CDH13: variants seen among roughly 807,000 people sequenced by gnomAD.
CDH13 encodes the protein cadherin 13, also known as cadherin-13.
A neutral mutation model predicts 63.8 loss-of-function variants in CDH13; 24 were observed. The ratio of observed to expected loss-of-function variants is 0.38; its 90% confidence interval spans 0.27 to 0.53. The LOEUF (loss-of-function observed/expected upper bound fraction) is 0.53, where lower values mean the gene tolerates loss of function less well. CDH13 is among the 20% of genes least tolerant of loss of function. CDH13 has a pLI of 0.85. For missense variants in CDH13, 1,049 were observed against 903.1 expected, an observed-to-expected ratio of 1.16 and a Z score of -2.07; for synonymous variants, 503 against 355.3, an observed-to-expected ratio of 1.42 and a Z score of -4.67.
intron 1 of CDH13, among the ~76,000 whole-genome samples, chr16:82,830,787 C>T (rs185712589): frequency 1.3e-3 from 192 of 152,288 alleles, no homozygotes; most frequent in Admixed American, 3.3e-3. Context: ...GTCTTACATG[C>T]ATATTACCAT....
chr16:83,331,730 T>C (rs1280781757), intron 5 of CDH13, among the ~76,000 whole-genome samples: 1 of 152,244 alleles, frequency 6.6e-6, no homozygotes, highest in East Asian at 1.9e-4. Flanking sequence ...ACACTAGTTT[T>C]AGTCAGAATT....
chr16:82,790,804 G>C (rs938559862), intron 1 of CDH13, among the ~76,000 whole-genome samples: 1 of 152,146 alleles, frequency 6.6e-6, no homozygotes, highest in Non-Finnish European at 1.5e-5. Flanking sequence ...ATCAGATCTT[G>C]TGAGAACTCA....
At chr16:83,704,956 C>T (rs764325343) in intron 10 of CDH13, among the ~76,000 whole-genome samples, 11 of 152,178 alleles carry the variant, frequency 7.2e-5, no homozygotes, top group Non-Finnish European at 1.2e-4. Flanking sequence ...CTTTTGTTTC[C>T]AATCATTTAG....
At chr16:82,689,960 C>A (rs187613663) in intron 1 of CDH13, among the ~76,000 whole-genome samples, 2 of 109,208 alleles carry the variant, frequency 1.8e-5, no homozygotes, top group African/African-American at 7.1e-5. Context: ...GCCTGACCAA[C>A]ATGGTGAAAC....
At chr16:83,788,629 C>A (rs958081560) in intron 13 of CDH13, among the ~76,000 whole-genome samples, 22 of 152,266 alleles carry the variant, frequency 1.4e-4, no homozygotes, top group African/African-American at 5.1e-4. Context: ...GCTCTTGGGT[C>A]AAGTTAATCT....
chr16:82,926,442 G>T (rs2042306409), intron 2 of CDH13, among the ~76,000 whole-genome samples: 1 of 152,176 alleles, frequency 6.6e-6, no homozygotes, highest in South Asian at 2.1e-4. Flanking sequence ...TATAAACCTT[G>T]CCCTGAACAA....
intron 3 of CDH13, among the ~76,000 whole-genome samples, chr16:83,054,103 A>G (rs2030674967): frequency 1.3e-5 from 2 of 152,240 alleles, no homozygotes; most frequent in South Asian, 4.1e-4. Flanking sequence ...ACAATAGGCT[A>G]TACCGTATTT....
At chr16:82,953,607 T>G (rs1567689793) in intron 2 of CDH13, 1 of 152,224 alleles carries the variant, frequency 6.6e-6, no homozygotes, top group Non-Finnish European at 1.5e-5. Flanking sequence ...GTGCCTTTGA[T>G]TAATAAAACA....
chr16:82,933,026 T>G (rs889116577), intron 2 of CDH13, among the ~76,000 whole-genome samples: 3 of 152,174 alleles, frequency 2.0e-5, no homozygotes, highest in Non-Finnish European at 4.4e-5. Flanking sequence ...TTTTTTTATA[T>G]TTTTATGACA....
intron 2 of CDH13, among the ~76,000 whole-genome samples, chr16:82,934,389 C>T (rs1167846733): frequency 6.6e-6 from 1 of 152,156 alleles, no homozygotes; most frequent in Non-Finnish European, 1.5e-5. Flanking sequence ...AGGCTGCACA[C>T]AGCTGGGGGG....
intron 5 of CDH13, among the ~76,000 whole-genome samples, chr16:83,241,438 A>G (rs560116936): frequency 4.7e-4 from 71 of 152,314 alleles, no homozygotes; most frequent in Non-Finnish European, 7.4e-4. Context: ...GCTATTTTAT[A>G]TTCTCACCAA....
At chr16:83,017,867 G>C (rs1420626922) in intron 2 of CDH13, among the ~76,000 whole-genome samples, 1 of 152,198 alleles carries the variant, frequency 6.6e-6, no homozygotes. Flanking sequence ...GCTAGCATCT[G>C]CAGCTGGGTC....
intron 7 of CDH13, among the ~76,000 whole-genome samples, chr16:83,577,545 A>G (rs1905172963): frequency 6.6e-6 from 1 of 152,204 alleles, no homozygotes; most frequent in Admixed American, 6.5e-5. Context: ...GTCCTCCCAG[A>G]TGCCCCTATG....
chr16:83,290,158 C>G (rs921713411), intron 5 of CDH13, among the ~76,000 whole-genome samples: 4 of 152,126 alleles, frequency 2.6e-5, no homozygotes, highest in Non-Finnish European at 4.4e-5. Context: ...TGTTCATTCT[C>G]CTCCTTGCTG....
At chr16:83,349,449 T>C (rs1039674061) in intron 6 of CDH13, among the ~76,000 whole-genome samples, 1 of 152,100 alleles carries the variant, frequency 6.6e-6, no homozygotes, top group African/African-American at 2.4e-5. Flanking sequence ...CCATGAGGAA[T>C]GGCATGTCAG....
intron 1 of CDH13, among the ~76,000 whole-genome samples, chr16:82,833,092 T>A (rs970489600): frequency 1.3e-5 from 2 of 152,222 alleles, no homozygotes; most frequent in Admixed American, 6.5e-5. Flanking sequence ...CATTCCCAGA[T>A]GGCAGACAGA....
intron 4 of CDH13, chr16:83,171,622 T>G (rs1442801512): frequency 7.0e-7 from 1 of 1,423,780 alleles, no homozygotes; most frequent in Non-Finnish European, 9.6e-7. Flanking sequence ...TTTCCTTGTT[T>G]GTGTCTCCAA....
chr16:83,306,553 T>C (rs1357719269), intron 5 of CDH13, among the ~76,000 whole-genome samples: 2 of 152,162 alleles, frequency 1.3e-5, no homozygotes, highest in African/African-American at 4.8e-5. Context: ...TCAAAAGTCC[T>C]CCCTAGAAGT....
At chr16:83,336,926 C>T (rs1310920662) in intron 5 of CDH13, among the ~76,000 whole-genome samples, 1 of 152,132 alleles carries the variant, frequency 6.6e-6, no homozygotes, top group Non-Finnish European at 1.5e-5. Context: ...TTTTGTTTTT[C>T]ATCAGTACAT....
Sources: gnomAD v4.1 joint callset for allele counts (sites outside exome capture counted in the v4.1 genomes callset) on GRCh38, gnomAD v4.1.1 for gene constraint, MANE v1.5 for transcripts, NCBI Gene and HGNC (gene_info 2026-07-23, HGNC 2026-07-21) for gene names.